BMPR2: variants seen among roughly 807,000 people sequenced by gnomAD.
BMPR2 encodes the protein bone morphogenetic protein receptor type-2.
BMPR2 carries 29 observed loss-of-function variants against 100.8 expected under a neutral mutation model. That is an observed-to-expected ratio of 0.29 (90% CI 0.21 to 0.39). The LOEUF (loss-of-function observed/expected upper bound fraction) is 0.39. Ranked by LOEUF, BMPR2 falls within the 10% of genes least tolerant of loss-of-function variation. BMPR2 has a pLI of 1.00. For synonymous variants in BMPR2, 382 were observed against 442.3 expected (o/e 0.86, Z 1.71); for missense variants, 1,011 against 1,274.5 (o/e 0.79, Z 3.15).
At chr2:202,501,197 A>T (rs1321718800) in intron 3 of BMPR2, among the ~76,000 whole-genome samples, 1 of 152,214 alleles carries the variant, frequency 6.6e-6, no homozygotes, top group Non-Finnish European at 1.5e-5. Context: ...CAAAGGGACC[A>T]GGGCCCTCAG....
chr2:202,520,066 C>G, intron 6 of BMPR2, 21 bp from the exon 7 acceptor site: 1 of 995,396 alleles, frequency 1.0e-6, no homozygotes, highest in Non-Finnish European at 1.4e-6. Flanking sequence ...TTTTTTTTTT[C>G]GCATTTTTTC....
rs960003365 is a variant in BMPR2, at chr2:202,495,038, A to G, written c.419-18681A>G. Among the ~76,000 whole-genome samples, 1 of 152,134 alleles carries G rather than the reference A, an allele frequency of 6.6e-6. No homozygotes were observed. Among genetic ancestry groups the G allele is most frequent in the Non-Finnish European group, 1.5e-5 (1 of 68,022 alleles). On this transcript the variant is annotated intron_variant, in intron 3 of 12. Transcript: ENST00000374580. This position sits in a 1 kb window ranked among gnomAD's most constrained non-coding sequence, Gnocchi z 4.5. ...AGGTAGGCTGTGGGGCTCCGACCTC[A>G]CAACAGTGTCTAGGAGTGAATGTTT...
intron 12 of BMPR2, among the ~76,000 whole-genome samples, chr2:202,558,099 A>C (rs1688612335): frequency 1.3e-5 from 2 of 152,018 alleles, no homozygotes; most frequent in African/African-American, 4.8e-5. Context: ...TGGGTGGGTC[A>C]CTTGAGGCCA....
intron 1 of BMPR2, among the ~76,000 whole-genome samples, chr2:202,402,600 A>AT (rs891292287): frequency 1.7e-3 from 254 of 147,786 alleles, no homozygotes; most frequent in African/African-American, 5.6e-3. Flanking sequence ...TAGCCTTTCC[A>AT]TTTTTTTTTT....
chr2:202,525,137 T>G (rs1687885686), intron 7 of BMPR2, among the ~76,000 whole-genome samples: 1 of 152,186 alleles, frequency 6.6e-6, no homozygotes, highest in Admixed American at 6.5e-5. Flanking sequence ...CAATGCATCA[T>G]TAATTTTTTT....
chr2:202,510,626 T>C (rs1374227939), intron 3 of BMPR2, among the ~76,000 whole-genome samples: 4 of 152,208 alleles, frequency 2.6e-5, no homozygotes, highest in Non-Finnish European at 4.4e-5. Flanking sequence ...GAAAATAGTT[T>C]ATCTTTTAGG....
At chr2:202,417,307 AT>A (rs1297131497) in intron 1 of BMPR2, among the ~76,000 whole-genome samples, 1 of 146,450 alleles carries the variant, frequency 6.8e-6, no homozygotes, top group Non-Finnish European at 1.5e-5. Context: ...CGGCTAATTT[AT>A]TTTTTTTGAG....
rs1688763886 is a variant in BMPR2, at chr2:202,566,407, A to G, written c.*6461A>G. On this transcript the variant is annotated 3_prime_UTR_variant, in exon 13 of 13. Coordinates refer to ENST00000374580, the MANE Select transcript of BMPR2 (RefSeq NM_001204.7). The stretch of plus-strand genomic sequence containing the variant: ...TTCATCTTATTTGACTTTTTCACAT[A>G]GATATAATATCAGATTTCATTAATT... 6.6e-6 allele frequency: 1 copy of G among 152,618 alleles called. No homozygotes were observed. The highest frequency in any genetic ancestry group is 2.1e-4 in the South Asian group (1 of 4,832). The allele number at this position is 152,618 out of a possible 1,614,324, so 9.5% of individuals were successfully genotyped here.
At chr2:202,382,537 C>T (rs746004707) in intron 1 of BMPR2, among the ~76,000 whole-genome samples, 1 of 152,198 alleles carries the variant, frequency 6.6e-6, no homozygotes, top group African/African-American at 2.4e-5. Flanking sequence ...CTGATAATTG[C>T]TTCCAGAGGA....
intron 3 of BMPR2, among the ~76,000 whole-genome samples, chr2:202,488,431 T>G (rs960384359): frequency 1.3e-5 from 2 of 152,128 alleles, no homozygotes; most frequent in African/African-American, 2.4e-5. Context: ...TTTTAAAATG[T>G]GAAATTTACT....
intron 12 of BMPR2, among the ~76,000 whole-genome samples, chr2:202,557,085 C>A (rs1014821462): frequency 1.3e-5 from 2 of 152,040 alleles, no homozygotes; most frequent in Non-Finnish European, 2.9e-5. Flanking sequence ...AATTCCAGCA[C>A]TTTGTGAGGC....
At position 202,555,284 on chromosome 2, in the gene BMPR2, T is replaced by C; in HGVS notation, c.1619T>C (p.Ile540Thr). ...TCACATAATAGGCGTGTGCCAAAAATTGGTCCTTATCCAGATTATTCTTCC... is the reference window on the plus strand; with the variant it reads ...TCACATAATAGGCGTGTGCCAAAAACTGGTCCTTATCCAGATTATTCTTCC... ...NLSHNRRVPKIGPYPDYSSSS... is the reference protein window; with the variant it reads ...NLSHNRRVPKTGPYPDYSSSS... Residue 540 changes from isoleucine (I) to threonine (T), a missense_variant, in exon 12 of 13, where the codon ATT (isoleucine) becomes ACT (threonine). By Grantham distance (89) the Ile-to-Thr change is moderately conservative. Around this residue, in one of 6 missense-constraint regions of BMPR2, gnomAD observed 508 missense variants for 552.0 expected, o/e 0.92. Coordinates refer to ENST00000374580, the MANE Select transcript of BMPR2 (RefSeq NM_001204.7). The C allele has an allele frequency of 6.2e-7, 1 of 1,614,218 alleles. No individual in the cohort carries two copies. The highest frequency in any genetic ancestry group is 8.5e-7 in the Non-Finnish European group (1 of 1,180,042).
At chr2:202,542,243 C>T in intron 9 of BMPR2, 68 bp from the exon 10 acceptor site, 1 of 1,572,464 alleles carries the variant, frequency 6.4e-7, no homozygotes, top group Non-Finnish European at 8.7e-7. Context: ...ATCAGAAATA[C>T]CCCTGTTATT....
At chr2:202,429,731 C>T (rs372287247) in intron 1 of BMPR2, among the ~76,000 whole-genome samples, 10 of 152,092 alleles carry the variant, frequency 6.6e-5, no homozygotes, top group Admixed American at 1.3e-4. Flanking sequence ...AACTTACAAT[C>T]GTGGCAGAAG....
chr2:202,500,024 G>C (rs946831386), intron 3 of BMPR2, among the ~76,000 whole-genome samples: 2 of 152,188 alleles, frequency 1.3e-5, no homozygotes, highest in Non-Finnish European at 2.9e-5. Flanking sequence ...GCTAGAAGGT[G>C]CACTGCCCCA....
chr2:202,535,049 T>C (rs1688112508), intron 9 of BMPR2, among the ~76,000 whole-genome samples: 2 of 116,964 alleles, frequency 1.7e-5, no homozygotes, highest in African/African-American at 3.3e-5. Flanking sequence ...CCCCCCCACC[T>C]CCCTCCCGGA....
At chr2:202,390,980 CTTTTTTTT>C (rs11459505) in intron 1 of BMPR2, among the ~76,000 whole-genome samples, 23 of 51,932 alleles carry the variant, frequency 4.4e-4, no homozygotes, top group East Asian at 2.7e-3. Context: ...AGTAAGTAGT[CTTTTTTTT>C]TTTTTTTTTT....
chr2:202,537,967 CA>C (rs1211204911), intron 9 of BMPR2, among the ~76,000 whole-genome samples: 1 of 151,696 alleles, frequency 6.6e-6, no homozygotes, highest in Non-Finnish European at 1.5e-5. Flanking sequence ...ACTACAAATA[CA>C]AAAATTAGAC....
At chr2:202,445,084 G>A (rs1691825251) in intron 1 of BMPR2, among the ~76,000 whole-genome samples, 1 of 150,472 alleles carries the variant, frequency 6.6e-6, no homozygotes, top group South Asian at 2.1e-4. Context: ...CAACACACCT[G>A]GCCTAGACAT....
Sources: allele counts gnomAD v4.1 joint callset (sites outside exome capture counted in the v4.1 genomes callset), GRCh38; gene constraint gnomAD v4.1.1; regional missense constraint gnomAD v4.1.1; non-coding constraint Gnocchi (gnomAD v3.1); transcripts MANE v1.5; gene names NCBI Gene and HGNC (gene_info 2026-07-23, HGNC 2026-07-21).